Variants in KCNH7 observed in about 807,000 individuals in gnomAD.
KCNH7 encodes the protein potassium voltage-gated channel subfamily H member 7, also known as voltage-gated inwardly rectifying potassium channel KCNH7.
KCNH7 carries 49 observed loss-of-function variants against 120.8 expected under a neutral mutation model. The ratio of observed to expected loss-of-function variants is 0.41; its 90% CI spans 0.32 to 0.51. The LOEUF is 0.51. KCNH7 is among the 20% of genes least tolerant of loss of function. The pLI is 0.38. For synonymous variants in KCNH7, 547 were observed against 516.1 expected, an observed-to-expected ratio of 1.06 and a Z score of -0.81; for missense variants, 1,097 against 1,446.6, an observed-to-expected ratio of 0.76 and a Z score of 3.92.
At chr2:162,717,580 A>G (rs1031303970) in intron 2 of KCNH7, among the ~76,000 whole-genome samples, 2 of 152,070 alleles carry the variant, frequency 1.3e-5, no homozygotes, top group Non-Finnish European at 2.9e-5. Flanking sequence ...ACTTAGATTT[A>G]TGCTCATTTG....
intron 2 of KCNH7, among the ~76,000 whole-genome samples, chr2:162,633,607 A>C (rs1683841705): frequency 6.6e-6 from 1 of 151,808 alleles, no homozygotes; most frequent in Non-Finnish European, 1.5e-5. Flanking sequence ...ATCCATCTAG[A>C]ATTTATTTTT....
chr2:162,527,102 C>G (rs758917392), intron 3 of KCNH7, among the ~76,000 whole-genome samples: 1 of 151,872 alleles, frequency 6.6e-6, no homozygotes, highest in Non-Finnish European at 1.5e-5. Context: ...GAAATAGATA[C>G]GATGTTCAAA....
chr2:162,744,468 C>T (rs1422412752), intron 2 of KCNH7, among the ~76,000 whole-genome samples: 1 of 151,954 alleles, frequency 6.6e-6, no homozygotes, highest in Non-Finnish European at 1.5e-5. Flanking sequence ...CCCTACCAGG[C>T]AGGTATTCAC....
intron 7 of KCNH7, among the ~76,000 whole-genome samples, chr2:162,436,751 A>G (rs1390314752): frequency 6.6e-6 from 1 of 152,138 alleles, no homozygotes; most frequent in Non-Finnish European, 1.5e-5. Flanking sequence ...TGGAATAACT[A>G]CCACACCCTA....
chr2:162,709,696 G>A (rs2105355811), intron 2 of KCNH7, among the ~76,000 whole-genome samples: 1 of 152,148 alleles, frequency 6.6e-6, no homozygotes, highest in Admixed American at 6.6e-5. Flanking sequence ...CTATCTTTAA[G>A]CCTTTGTTTT....
chr2:162,573,156 T>A (rs914751925), intron 2 of KCNH7, among the ~76,000 whole-genome samples: 1 of 152,044 alleles, frequency 6.6e-6, no homozygotes, highest in Non-Finnish European at 1.5e-5. Flanking sequence ...TGTTGTGAAA[T>A]GTGCAGGAAA....
intron 2 of KCNH7, among the ~76,000 whole-genome samples, chr2:162,694,516 T>C (rs1314703740): frequency 6.9e-6 from 1 of 145,602 alleles, no homozygotes; most frequent in Non-Finnish European, 1.5e-5. Flanking sequence ...GATCCTCACA[T>C]GAGGAATCTG....
At chr2:162,816,666 A>G (rs911083445) in intron 2 of KCNH7, among the ~76,000 whole-genome samples, 5 of 152,178 alleles carry the variant, frequency 3.3e-5, no homozygotes, top group African/African-American at 1.2e-4. Context: ...ATAAGTGTGG[A>G]TAGTAAATAT....
chr2:162,410,379 A>G (rs187175118), intron 9 of KCNH7, among the ~76,000 whole-genome samples: 1 of 152,238 alleles, frequency 6.6e-6, no homozygotes, highest in Non-Finnish European at 1.5e-5. Flanking sequence ...AGCCATATGC[A>G]GAAGATTGAA....
intron 14 of KCNH7, among the ~76,000 whole-genome samples, chr2:162,377,914 T>C (rs1056837599): frequency 6.6e-6 from 1 of 152,210 alleles, no homozygotes. Flanking sequence ...TTTATTACTA[T>C]TGGGTGATTG....
intron 2 of KCNH7, among the ~76,000 whole-genome samples, chr2:162,573,380 A>G (rs895132987): frequency 3.3e-5 from 5 of 152,050 alleles, no homozygotes; most frequent in African/African-American, 1.2e-4. Flanking sequence ...CTGATGAAAG[A>G]TATACAAAAA....
chr2:162,593,402 C>T (rs1694277690), intron 2 of KCNH7, among the ~76,000 whole-genome samples: 1 of 151,998 alleles, frequency 6.6e-6, no homozygotes, highest in Admixed American at 6.6e-5. Flanking sequence ...TTAAACACTT[C>T]CAAATGCTCA....
intron 6 of KCNH7, among the ~76,000 whole-genome samples, chr2:162,452,146 A>ATCTTC (rs1195426922): frequency 6.6e-6 from 1 of 152,094 alleles, no homozygotes; most frequent in African/African-American, 2.4e-5. Flanking sequence ...CCTCAGAACA[A>ATCTTC]TCCAGAGTTG....
At chr2:162,753,145 T>C (rs1408579705) in intron 2 of KCNH7, among the ~76,000 whole-genome samples, 1 of 151,678 alleles carries the variant, frequency 6.6e-6, no homozygotes, top group African/African-American at 2.4e-5. Flanking sequence ...GCTTATAATT[T>C]GGCCCTGTCT....
chr2:162,471,952 A>G (rs1473136561), intron 6 of KCNH7, among the ~76,000 whole-genome samples: 1 of 152,226 alleles, frequency 6.6e-6, no homozygotes, highest in Non-Finnish European at 1.5e-5. Context: ...CAACCATCTG[A>G]TCTTTGACAA....
intron 12 of KCNH7, among the ~76,000 whole-genome samples, chr2:162,385,746 A>G (rs1038661275): frequency 3.3e-5 from 5 of 151,850 alleles, no homozygotes; most frequent in Non-Finnish European, 1.5e-5. Flanking sequence ...GCCAGAAGGT[A>G]TATCATTTTC....
intron 3 of KCNH7, among the ~76,000 whole-genome samples, chr2:162,533,971 AT>A (rs1692022072): frequency 6.6e-6 from 1 of 151,598 alleles, no homozygotes; most frequent in South Asian, 2.1e-4. Flanking sequence ...TACAAACAGC[AT>A]TTTATGACTG....
intron 2 of KCNH7, among the ~76,000 whole-genome samples, chr2:162,628,370 C>T (rs1210646201): frequency 6.6e-6 from 1 of 152,074 alleles, no homozygotes; most frequent in Non-Finnish European, 1.5e-5. Flanking sequence ...GTTTCTGATG[C>T]CTTACCCCAT....
intron 2 of KCNH7, among the ~76,000 whole-genome samples, chr2:162,686,209 C>T (rs1204140570): frequency 6.6e-6 from 1 of 152,074 alleles, no homozygotes; most frequent in Non-Finnish European, 1.5e-5. Flanking sequence ...AGCTCTAATT[C>T]ATTAACAGCA....
Sources: gnomAD v4.1 joint callset for allele counts (sites outside exome capture counted in the v4.1 genomes callset) on GRCh38, gnomAD v4.1.1 for gene constraint, MANE v1.5 for transcripts, NCBI Gene and HGNC (gene_info 2026-07-23, HGNC 2026-07-21) for gene names.